KLHL2: variants seen among roughly 807,000 people sequenced by gnomAD.
KLHL2 encodes kelch-like protein 2.
A neutral mutation model predicts 75.8 loss-of-function variants in KLHL2; 15 were observed. The ratio of observed to expected loss-of-function variants is 0.20; its 90% CI spans 0.13 to 0.30. The LOEUF is 0.30. KLHL2 is among the 10% of genes least tolerant of loss of function. The pLI, the probability that KLHL2 is intolerant of heterozygous loss-of-function variation, is 1.00. For missense variants in KLHL2, 381 were observed against 741.0 expected, an observed-to-expected ratio of 0.51 and a Z score of 5.64; for synonymous variants, 214 against 251.9, an observed-to-expected ratio of 0.85 and a Z score of 1.42.
At chr4:165,295,005 G>GCCTGCCTGC (rs1296907691) in intron 6 of KLHL2, among the ~76,000 whole-genome samples, 1 of 152,058 alleles carries the variant, frequency 6.6e-6, no homozygotes, top group Admixed American at 6.6e-5. Context: ...AGTCCGTTCA[G>GCCTGCCTGC]CCTGCCTGCC....
intron 4 of KLHL2, among the ~76,000 whole-genome samples, chr4:165,257,735 A>G (rs1741302130): frequency 6.6e-6 from 1 of 152,118 alleles, no homozygotes; most frequent in Non-Finnish European, 1.5e-5. Flanking sequence ...GAGTCATAAA[A>G]TTATGTTCAG....
At chr4:165,267,774 T>C (rs1482849582) in intron 5 of KLHL2, among the ~76,000 whole-genome samples, 12 of 152,138 alleles carry the variant, frequency 7.9e-5, no homozygotes, top group Non-Finnish European at 1.6e-4. Context: ...TAAAATTCTC[T>C]TTTTTTGTTG....
In KLHL2 at chr4:165,294,475, A is replaced by G. The variant is rs755807613; in HGVS notation, c.654+7A>G. The G allele has an allele frequency of 6.8e-7, 1 of 1,476,844 alleles. No homozygotes were observed. Among genetic ancestry groups the G allele is most frequent in the Non-Finnish European group, 9.4e-7 (1 of 1,061,076 alleles). The allele number at this position is 1,476,844 out of a possible 1,614,324, so 91.5% of individuals were successfully genotyped here. On this transcript the variant is annotated splice_region_variant and intron_variant, in intron 6 of 14. Coordinates refer to ENST00000226725, the MANE Select transcript of KLHL2 (RefSeq NM_007246.4). ...CATTTCTTCAGAAGAGAAGGTAAGGATATTTTTCTTTTCCCAGTGTGCAAT... is the reference window on the plus strand; with the variant it reads ...CATTTCTTCAGAAGAGAAGGTAAGGGTATTTTTCTTTTCCCAGTGTGCAAT...
intron 5 of KLHL2, among the ~76,000 whole-genome samples, chr4:165,284,525 G>A (rs188535669): frequency 8.5e-5 from 13 of 152,218 alleles, no homozygotes; most frequent in East Asian, 1.9e-4. Context: ...CCATCTCGGC[G>A]TGGATTTCAT....
At chr4:165,291,215 A>G (rs1348388907) in intron 5 of KLHL2, among the ~76,000 whole-genome samples, 1 of 151,994 alleles carries the variant, frequency 6.6e-6, no homozygotes, top group Admixed American at 6.6e-5. Context: ...TGCTCTTTTT[A>G]TATTTTAGGT....
intron 9 of KLHL2, 149 bp from the exon 10 acceptor site, chr4:165,310,404 G>A (rs1746070193): frequency 1.5e-6 from 1 of 679,118 alleles, no homozygotes; most frequent in Non-Finnish European, 2.7e-6. Context: ...TCTTGCAAAT[G>A]AATAGCATTT....
At chr4:165,269,281 T>C (rs1742488582) in intron 5 of KLHL2, among the ~76,000 whole-genome samples, 1 of 152,212 alleles carries the variant, frequency 6.6e-6, no homozygotes, top group East Asian at 1.9e-4. Flanking sequence ...CCAGCCTGTG[T>C]CTTTTAACTG....
At position 165,207,950 on chromosome 4, in the gene KLHL2, C is replaced by A; in HGVS notation, c.26+48C>A. 2 of 1,290,226 alleles carry A rather than the reference C, an allele frequency of 1.6e-6. No homozygotes were observed. Among genetic ancestry groups the A allele is most frequent in the Non-Finnish European group, 2.0e-6 (2 of 1,018,828 alleles). 79.9% of individuals were successfully genotyped at this position (1,290,226 alleles called of 1,614,324 possible). On this transcript the variant is annotated intron_variant, in intron 1 of 14. Transcript: ENST00000226725. The surrounding 1 kb of genome is among the most constrained non-coding windows in gnomAD (Gnocchi z 4.2). ...TGCGCCGCTGCGGATAAGCGCGCCG[C>A]TGCGGCGCGTGTCGCCGGCCGCGGG...
At chr4:165,261,506 A>G (rs1358557089) in intron 4 of KLHL2, among the ~76,000 whole-genome samples, 1 of 151,842 alleles carries the variant, frequency 6.6e-6, no homozygotes, top group Non-Finnish European at 1.5e-5. Context: ...ACACCCAGCT[A>G]ATTTTTGTAT....
rs150070685 is a variant in KLHL2 at position 165,279,722 on chromosome 4, C to T, written c.545-14637C>T. ...CGGCGGGAGGGGGAGGGGAGGGTGA[C>T]GAGTCCAAAGAGCGAGGCCGCGCGA... On this transcript the variant is annotated intron_variant, in intron 5 of 14. Transcript: ENST00000226725. 1.1e-3 allele frequency: 1,337 copies of T among 1,177,504 alleles called. 4 individuals carry two copies. The highest frequency in any genetic ancestry group is 1.5e-3 in the Non-Finnish European group (1,152 of 782,464). The allele number at this position is 1,177,504 out of a possible 1,614,324, so 72.9% of individuals were successfully genotyped here. A position where few individuals can be genotyped will look rare whatever the true frequency, so the allele number is the denominator to read the frequency against.
At chr4:165,222,250 A>T (rs980401800) in intron 2 of KLHL2, among the ~76,000 whole-genome samples, 16 of 152,168 alleles carry the variant, frequency 1.1e-4, no homozygotes, top group Non-Finnish European at 1.8e-4. Context: ...AATGGACAGG[A>T]TGGTGTCTAA....
At chr4:165,299,106 A>G (rs565190207) in intron 7 of KLHL2, among the ~76,000 whole-genome samples, 35 of 149,834 alleles carry the variant, frequency 2.3e-4, no homozygotes, top group African/African-American at 8.7e-4. Context: ...TGAAAAAGGT[A>G]TCATTAACTT....
chr4:165,213,322 T>G (rs1300649278), intron 1 of KLHL2, among the ~76,000 whole-genome samples: 1 of 152,230 alleles, frequency 6.6e-6, no homozygotes, highest in Non-Finnish European at 1.5e-5. Context: ...TCATGTGAAG[T>G]GACTTATCAA....
At chr4:165,238,731 A>G in intron 3 of KLHL2, 47 bp from the exon 4 acceptor site, 3 of 1,610,066 alleles carry the variant, frequency 1.9e-6, no homozygotes, top group Non-Finnish European at 2.5e-6. Flanking sequence ...TGGAACTTCC[A>G]CAGCAGTGTC....
chr4:165,241,818 TATAA>T (rs1739839893), intron 4 of KLHL2, among the ~76,000 whole-genome samples: 1 of 152,106 alleles, frequency 6.6e-6, no homozygotes, highest in South Asian at 2.1e-4. Context: ...TTTTAAACAA[TATAA>T]TACCTATTTG....
In KLHL2 at chr4:165,264,750, A is replaced by ATG. The variant is rs1553958097; in HGVS notation, c.544+1392_544+1393insGT. 3.4e-3 allele frequency among the ~76,000 whole-genome samples: 302 copies of ATG among 88,298 alleles called. 5 individuals carry two copies. Among genetic ancestry groups the ATG allele is most frequent in the Admixed American group, 0.032 (265 of 8,262 alleles). 57.9% of individuals were successfully genotyped at this position (88,298 alleles called of 152,430 possible). ...TATATATATATATATGTATATATAT[A>ATG]TATATATATATATATAAAACATTAT... On this transcript the variant is annotated intron_variant, in intron 5 of 14. Coordinates refer to ENST00000226725, the MANE Select transcript of KLHL2 (RefSeq NM_007246.4).
chr4:165,264,257 T>A (rs1741959046), intron 5 of KLHL2, among the ~76,000 whole-genome samples: 1 of 151,840 alleles, frequency 6.6e-6, no homozygotes, highest in Non-Finnish European at 1.5e-5. Flanking sequence ...GTACAAGTGG[T>A]TTTTGGTTAC....
At position 165,310,719 on chromosome 4, in the gene KLHL2, A is replaced by G; in HGVS notation, c.1206A>G (p.Leu402=). ...TLGAAVLNGL[L]YAVGGFDGST... is the part of the protein sequence containing the mutation. ...GAGCTGCTGTGTTAAATGGATTATTATACGCTGTGGGAGGCTTTGATGGGA... is the reference window on the plus strand; with the variant it reads ...GAGCTGCTGTGTTAAATGGATTATTGTACGCTGTGGGAGGCTTTGATGGGA... The change falls in exon 10 of 15, where the codon TTA becomes TTG. Residue 402 remains leucine (L), a synonymous_variant. Transcript: ENST00000226725. 1 of 1,613,776 alleles carries G rather than the reference A, an allele frequency of 6.2e-7. No individual in the cohort carries two copies. The highest frequency in any genetic ancestry group is 2.2e-5 in the East Asian group (1 of 44,884).
intron 4 of KLHL2, among the ~76,000 whole-genome samples, chr4:165,241,219 G>A (rs935753933): frequency 3.3e-5 from 5 of 152,088 alleles, no homozygotes; most frequent in African/African-American, 1.2e-4. Context: ...TTTTGGAAAA[G>A]GCAGTTGAGA....
Sources: gnomAD v4.1 joint callset for allele counts (sites outside exome capture counted in the v4.1 genomes callset) on GRCh38, gnomAD v4.1.1 for gene constraint, Gnocchi (gnomAD v3.1) non-coding constraint, MANE v1.5 for transcripts, NCBI Gene and HGNC (gene_info 2026-07-23, HGNC 2026-07-21) for gene names.